The following NUBPL variants were observed in gnomAD, a reference collection of about 807,000 sequenced individuals.
NUBPL encodes NUBP iron-sulfur cluster assembly factor, mitochondrial, also known as iron-sulfur cluster transfer protein NUBPL.
NUBPL carries 31 observed loss-of-function variants against 45.7 expected under a neutral mutation model. That is an observed-to-expected ratio of 0.68 (90% confidence interval 0.51 to 0.92). NUBPL has a LOEUF of 0.92. NUBPL is among the 40% of genes least tolerant of loss of function. The pLI is 0.00. For missense variants in NUBPL, 401 were observed against 398.7 expected, an observed-to-expected ratio of 1.01 and a Z score of -0.05; for synonymous variants, 144 against 140.9, an observed-to-expected ratio of 1.02 and a Z score of -0.15.
rs537561974 is a variant in NUBPL at position 31,673,233 on chromosome 14, G to A, written c.383-122G>A. ...GTATCATAACATTACGTTGTACCCC[G>A]TAAACATATGCAATTTTTGTTAATT... On this transcript the variant is annotated intron_variant, in intron 4 of 10. Transcript: ENST00000281081. The A allele has an allele frequency of 1.4e-4, 107 of 745,808 alleles. No individual in the cohort carries two copies. The East Asian group carries it at 2.2e-3, about 16-fold the overall frequency. The allele number at this position is 745,808 out of a possible 1,614,324, so 46.2% of individuals were successfully genotyped here.
chr14:31,841,815 A>G (rs537499370), intron 8 of NUBPL, among the ~76,000 whole-genome samples: 39 of 145,658 alleles, frequency 2.7e-4, no homozygotes, highest in African/African-American at 7.3e-4. Context: ...ATGAGGTAGG[A>G]GGTTAAGATT....
At chr14:31,646,848 G>T (rs34822969) in intron 4 of NUBPL, among the ~76,000 whole-genome samples, 45,481 of 147,054 alleles carry the variant, frequency 0.31, 7,501 homozygotes, top group South Asian at 0.42. Context: ...TCTCAAATTT[G>T]TTTTTTTTTT....
chr14:31,620,029 A>G lies in NUBPL; in HGVS notation c.382+20650A>G, dbSNP rs181679588. Among the ~76,000 whole-genome samples the G allele has an allele frequency of 5.9e-5, 9 of 151,812 alleles. No homozygotes were observed. The East Asian group carries it at 1.8e-3, about 30-fold the overall frequency. On this transcript the variant is annotated intron_variant, in intron 4 of 10. Coordinates refer to ENST00000281081, the MANE Select transcript of NUBPL (RefSeq NM_025152.3). ...CTTCTCTTCTTGCTTTATTTCATTG[A>G]GTTGATCTTCAATCTGTGATATCCT...
At chr14:31,818,303 G>T (rs192913568) in intron 7 of NUBPL, among the ~76,000 whole-genome samples, 18 of 152,012 alleles carry the variant, frequency 1.2e-4, no homozygotes, top group African/African-American at 4.3e-4. Flanking sequence ...TGGACCAAGC[G>T]GATATAATAG....
At chr14:31,643,521 A>AT (rs143448645) in intron 4 of NUBPL, among the ~76,000 whole-genome samples, 5,309 of 152,124 alleles carry the variant, frequency 0.035, 299 homozygotes, top group African/African-American at 0.12. Context: ...GGTGAATGAT[A>AT]TTTTTAATGT....
intron 6 of NUBPL, among the ~76,000 whole-genome samples, chr14:31,724,783 CAG>C (rs1248402243): frequency 6.6e-6 from 1 of 152,070 alleles, no homozygotes; most frequent in Non-Finnish European, 1.5e-5. Flanking sequence ...CAGAAACAAA[CAG>C]ATAAATGAAA....
At chr14:31,761,542 C>G (rs749183480) in intron 6 of NUBPL, among the ~76,000 whole-genome samples, 1 of 152,172 alleles carries the variant, frequency 6.6e-6, no homozygotes, top group Non-Finnish European at 1.5e-5. Context: ...TTTTCCCAGA[C>G]TTTTCCTAGG....
rs559752193 is a variant in NUBPL, at chr14:31,573,249, T to C, written c.291+8201T>C. Among the ~76,000 whole-genome samples the C allele has an allele frequency of 2.6e-5, 4 of 152,306 alleles. No homozygotes were observed. The East Asian group carries it at 7.7e-4, about 29-fold the overall frequency. ...CACCACCGTTGTATATGCAGTCCAT[T>C]GTTGACTGAAATGTTGTTATGGGGC... On this transcript the variant is annotated intron_variant, in intron 3 of 10. Transcript: ENST00000281081.
chr14:31,726,011 G>A (rs1297540996), intron 6 of NUBPL, among the ~76,000 whole-genome samples: 1 of 151,956 alleles, frequency 6.6e-6, no homozygotes, highest in Non-Finnish European at 1.5e-5. Context: ...TGCCTGGTCC[G>A]ATTTCAGATT....
chr14:31,683,528 T>C (rs779319355), intron 6 of NUBPL, among the ~76,000 whole-genome samples: 2 of 151,926 alleles, frequency 1.3e-5, no homozygotes, highest in Non-Finnish European at 2.9e-5. Context: ...AATTTTTGTA[T>C]TTTTAGTAGA....
chr14:31,742,164 A>G (rs1197781574), intron 6 of NUBPL, among the ~76,000 whole-genome samples: 1 of 151,534 alleles, frequency 6.6e-6, no homozygotes, highest in African/African-American at 2.4e-5. Context: ...TCCAGAGATC[A>G]TGGCAGACAG....
At chr14:31,809,971 G>A (rs1183685834) in intron 7 of NUBPL, among the ~76,000 whole-genome samples, 1 of 152,172 alleles carries the variant, frequency 6.6e-6, no homozygotes, top group African/African-American at 2.4e-5. Context: ...ATTGCACTGT[G>A]GTCTGATAGA....
intron 7 of NUBPL, among the ~76,000 whole-genome samples, chr14:31,824,151 C>G (rs948526426): frequency 6.6e-6 from 1 of 152,014 alleles, no homozygotes; most frequent in Non-Finnish European, 1.5e-5. Flanking sequence ...TGTCAAGTGT[C>G]TGTGTGTAGT....
chr14:31,598,328 C>G (rs1162278381), intron 3 of NUBPL, among the ~76,000 whole-genome samples: 1 of 151,996 alleles, frequency 6.6e-6, no homozygotes, highest in Non-Finnish European at 1.5e-5. Flanking sequence ...GTGATTGCTT[C>G]AGTTTTTCAA....
At chr14:31,664,587 A>G (rs1259793380) in intron 4 of NUBPL, among the ~76,000 whole-genome samples, 1 of 152,182 alleles carries the variant, frequency 6.6e-6, no homozygotes, top group African/African-American at 2.4e-5. Flanking sequence ...GATGAAGCCA[A>G]CTTGATCGTG....
chr14:31,804,573 G>T (rs1230003867), intron 7 of NUBPL, among the ~76,000 whole-genome samples: 1 of 152,078 alleles, frequency 6.6e-6, no homozygotes, highest in Non-Finnish European at 1.5e-5. Flanking sequence ...AAGAATTCTG[G>T]TGCAAAAACA....
At chr14:31,701,487 A>G (rs554654969) in intron 6 of NUBPL, among the ~76,000 whole-genome samples, 208 of 152,364 alleles carry the variant, frequency 1.4e-3, no homozygotes, top group Non-Finnish European at 2.2e-3. Context: ...CCCCTTCCGC[A>G]TGTGGAAGCT....
chr14:31,748,662 G>A (rs2038454046), intron 6 of NUBPL, among the ~76,000 whole-genome samples: 1 of 151,966 alleles, frequency 6.6e-6, no homozygotes, highest in African/African-American at 2.4e-5. Flanking sequence ...GCCCAGGTTG[G>A]TATGCAGTGG....
At chr14:31,734,977 T>A (rs1214532135) in intron 6 of NUBPL, among the ~76,000 whole-genome samples, 2 of 151,902 alleles carry the variant, frequency 1.3e-5, no homozygotes, top group African/African-American at 2.4e-5. Flanking sequence ...CCCAAATTTG[T>A]TGACTTTACT....
Sources: gnomAD v4.1 joint callset for allele counts (sites outside exome capture counted in the v4.1 genomes callset) on GRCh38, gnomAD v4.1.1 for gene constraint, MANE v1.5 for transcripts, NCBI Gene and HGNC (gene_info 2026-07-23, HGNC 2026-07-21) for gene names.